The following DNAAF9 variants were observed in gnomAD, a reference collection of about 807,000 sequenced individuals.
DNAAF9 encodes the protein dynein axonemal assembly factor 9, also known as shulin.
A neutral mutation model predicts 167.0 loss-of-function variants in DNAAF9; 90 were observed. The observed-to-expected ratio is 0.54, with a 90% CI of 0.45 to 0.64. The LOEUF is 0.64. Among genes scored for constraint, DNAAF9 ranks in the 30% least tolerant of loss-of-function variants. The probability of loss-of-function intolerance (pLI) is 0.00; values close to 1 mark genes in which losing one functional copy is unlikely to be tolerated. For missense variants in DNAAF9, 1,315 were observed against 1,442.2 expected, an observed-to-expected ratio of 0.91 and a Z score of 1.43; for synonymous variants, 491 against 508.8, an observed-to-expected ratio of 0.96 and a Z score of 0.47.
In DNAAF9 at chr20:3,294,518, C is replaced by G. The variant is rs764590525; in HGVS notation, c.2120+10G>C. On this transcript the variant is annotated intron_variant, in intron 24 of 36. Transcript: ENST00000252032. ...AATATTAAACATCTATAAACAGAAC[C>G]AGAGCTTACCAGTCCAGCTCTGGGA... The G allele has an allele frequency of 6.4e-7, 1 of 1,569,264 alleles. No homozygotes were observed. Among genetic ancestry groups the G allele is most frequent in the Non-Finnish European group, 8.8e-7 (1 of 1,139,344 alleles).
chr20:3,320,104 C>T (rs550594526), intron 16 of DNAAF9, among the ~76,000 whole-genome samples: 18 of 152,198 alleles, frequency 1.2e-4, no homozygotes, highest in Non-Finnish European at 2.4e-4. Context: ...TTGTTATGTA[C>T]TTCCCACCAT....
chr20:3,395,173 G>A lies in DNAAF9; in HGVS notation c.83+12302C>T, dbSNP rs187398529. Among the ~76,000 whole-genome samples, 1,393 of 148,338 alleles carry A rather than the reference G, an allele frequency of 9.4e-3. 90 individuals are homozygous for A. The highest frequency in any genetic ancestry group is 0.034 in the African/African-American group (1,331 of 39,332). On this transcript the variant is annotated intron_variant, in intron 1 of 36. Coordinates refer to ENST00000252032, the MANE Select transcript of DNAAF9 (RefSeq NM_001009984.3). ...TTTTTAGTAGAGACGGGGTTTCACC[G>A]TGTTAGCCAGGATGGTCTCGATCTC...
chr20:3,264,488 A>G lies in DNAAF9; in HGVS notation c.2823T>C (p.Ser941=). The change falls in exon 31 of 37, where the codon AGT becomes AGC. Residue 941 remains serine, a synonymous_variant. Coordinates refer to ENST00000252032, the MANE Select transcript of DNAAF9 (RefSeq NM_001009984.3). The part of the protein sequence containing the change: ...EDIELILSEN[S]FSSPEMLRSR... ...ATCGTAGCATCTCAGGACTTGAAAA[A>G]CTGTTTTCTGAGAGAATCAGCTCAA... The G allele has an allele frequency of 6.4e-7, 1 of 1,573,186 alleles. No homozygotes were observed. Among genetic ancestry groups the G allele is most frequent in the Non-Finnish European group, 8.8e-7 (1 of 1,142,788 alleles).
At chr20:3,344,215 T>C (rs2070146826) in intron 8 of DNAAF9, among the ~76,000 whole-genome samples, 1 of 152,160 alleles carries the variant, frequency 6.6e-6, no homozygotes, top group Non-Finnish European at 1.5e-5. Flanking sequence ...CGAAATATAC[T>C]GATGGAAGTT....
chr20:3,287,365 A>G (rs2068869733), intron 27 of DNAAF9, among the ~76,000 whole-genome samples: 2 of 152,326 alleles, frequency 1.3e-5, no homozygotes, highest in East Asian at 3.9e-4. Context: ...AAAATTCCCA[A>G]TGAATCTTGC....
intron 31 of DNAAF9, among the ~76,000 whole-genome samples, 181 bp downstream of exon 31, chr20:3,264,257 G>A (rs1351512917): frequency 1.3e-5 from 2 of 152,238 alleles, no homozygotes; most frequent in Non-Finnish European, 2.9e-5. Flanking sequence ...CCCAAGAGGT[G>A]GAGCACTGGG....
intron 35 of DNAAF9, 49 bp from the exon 36 acceptor site, chr20:3,253,868 T>G: frequency 3.0e-6 from 3 of 995,850 alleles, no homozygotes; most frequent in Non-Finnish European, 4.9e-6. Flanking sequence ...CTTTCTATAC[T>G]TCACTCACTC....
intron 1 of DNAAF9, among the ~76,000 whole-genome samples, chr20:3,396,325 CT>C (rs899292957): frequency 6.6e-6 from 1 of 152,136 alleles, no homozygotes; most frequent in Non-Finnish European, 1.5e-5. Flanking sequence ...TTCTCTCTTC[CT>C]TTTTTTATTT....
intron 12 of DNAAF9, among the ~76,000 whole-genome samples, chr20:3,328,307 G>A (rs568698692): frequency 2.6e-4 from 39 of 151,566 alleles, no homozygotes; most frequent in Non-Finnish European, 5.2e-4. Context: ...TCAGCCTCCT[G>A]AGTAGCTGTG....
chr20:3,344,615 AC>A (rs2070156745), intron 8 of DNAAF9, among the ~76,000 whole-genome samples: 1 of 150,796 alleles, frequency 6.6e-6, no homozygotes, highest in African/African-American at 2.5e-5. Flanking sequence ...ACACACACAC[AC>A]ACACACACAC....
chr20:3,368,100 C>G, intron 6 of DNAAF9, among the ~76,000 whole-genome samples: 1 of 144,056 alleles, frequency 6.9e-6, no homozygotes, highest in Non-Finnish European at 1.5e-5. Flanking sequence ...AGTTACCACA[C>G]ACATGACTGC....
At chr20:3,320,056 G>C (rs368334515) in intron 16 of DNAAF9, among the ~76,000 whole-genome samples, 1 of 152,080 alleles carries the variant, frequency 6.6e-6, no homozygotes, top group African/African-American at 2.4e-5. Context: ...AGGGAAGAGA[G>C]GATATTAAAA....
intron 16 of DNAAF9, among the ~76,000 whole-genome samples, chr20:3,319,039 C>T (rs866316193): frequency 2.3e-4 from 31 of 135,184 alleles, no homozygotes; most frequent in East Asian, 6.6e-4. Flanking sequence ...GCTGAGATCG[C>T]GCCACTGAAC....
intron 29 of DNAAF9, among the ~76,000 whole-genome samples, chr20:3,272,646 T>C (rs1299511368): frequency 6.6e-6 from 1 of 152,214 alleles, no homozygotes; most frequent in Non-Finnish European, 1.5e-5. Flanking sequence ...CTGAAAGATG[T>C]AAAGAGTATC....
At chr20:3,361,299 C>T (rs2083360461) in intron 6 of DNAAF9, among the ~76,000 whole-genome samples, 1 of 152,006 alleles carries the variant, frequency 6.6e-6, no homozygotes, top group South Asian at 2.1e-4. Context: ...ATGCTTTGGC[C>T]AAAGGTGGGA....
At chr20:3,259,166 T>G (rs78718171) in intron 33 of DNAAF9, among the ~76,000 whole-genome samples, 3 of 152,100 alleles carry the variant, frequency 2.0e-5, no homozygotes, top group African/African-American at 7.2e-5. Flanking sequence ...GAGGAGGCCA[T>G]GACTGGCTCA....
intron 13 of DNAAF9, 87 bp downstream of exon 13, chr20:3,326,110 A>G: frequency 9.9e-7 from 1 of 1,015,022 alleles, no homozygotes; most frequent in African/African-American, 1.6e-5. Flanking sequence ...AGTGAGTACT[A>G]CAAGATGTCC....
chr20:3,283,367 C>T (rs965036256), intron 27 of DNAAF9, among the ~76,000 whole-genome samples: 9 of 152,226 alleles, frequency 5.9e-5, no homozygotes, highest in Non-Finnish European at 1.2e-4. Context: ...CAATACTCCA[C>T]CCCACCCCAG....
rs937783537 is a variant in DNAAF9 at position 3,254,023 on chromosome 20, T to A, written c.3328-204A>T. On this transcript the variant is annotated intron_variant, in intron 35 of 36. Transcript: ENST00000252032. ...GGTGAGGAGCTCTGGGAGGTCCTAG[T>A]GGGATGAAGTTCCCACGGTGTGCAG... Among the ~76,000 whole-genome samples, 4 of 152,184 alleles carry A rather than the reference T, an allele frequency of 2.6e-5. No homozygotes were observed. The South Asian group carries it at 8.3e-4, about 31-fold the overall frequency.
Sources: allele counts gnomAD v4.1 joint callset (sites outside exome capture counted in the v4.1 genomes callset), GRCh38; gene constraint gnomAD v4.1.1; transcripts MANE v1.5; gene names NCBI Gene and HGNC (gene_info 2026-07-23, HGNC 2026-07-21).